CCDC68: variants seen among roughly 807,000 people sequenced by gnomAD.
The protein encoded by CCDC68 is coiled-coil domain-containing protein 68.
Under a neutral mutation model 47.1 loss-of-function variants are expected in CCDC68, and 45 were observed. The ratio of observed to expected loss-of-function variants is 0.96; its 90% CI spans 0.75 to 1.23. The LOEUF (loss-of-function observed/expected upper bound fraction) is 1.23, where lower values mean the gene tolerates loss of function less well. Among genes scored for constraint, CCDC68 ranks in the 50% most tolerant of loss-of-function variants. The probability of loss-of-function intolerance (pLI) is 0.00; values close to 1 mark genes in which losing one functional copy is unlikely to be tolerated. For missense variants in CCDC68, 353 were observed against 373.6 expected (o/e 0.94, Z 0.45); for synonymous variants, 131 against 129.5 (o/e 1.01, Z -0.08).
chr18:54,952,928 G>A (rs183646289), intron 1 of CCDC68, among the ~76,000 whole-genome samples: 187 of 152,190 alleles, frequency 1.2e-3, no homozygotes, highest in African/African-American at 4.4e-3. Context: ...CACAAGAATC[G>A]CTTGAACCTG....
At chr18:54,935,006 A>G (rs889494571) in intron 6 of CCDC68, 58 bp from the exon 7 acceptor site, 7 of 1,317,280 alleles carry the variant, frequency 5.3e-6, no homozygotes, top group African/African-American at 3.0e-5. Flanking sequence ...ACCTATACAC[A>G]TATTACCTCT....
chr18:54,904,449 GA>G, intron 11 of CCDC68, 34 bp from the exon 12 acceptor site: 1 of 1,566,280 alleles, frequency 6.4e-7, no homozygotes, highest in Non-Finnish European at 8.8e-7. Context: ...TCAAAATGGA[GA>G]ATGTTAAACT....
At chr18:54,909,025 A>G (rs932519673) in intron 10 of CCDC68, among the ~76,000 whole-genome samples, 9 of 152,174 alleles carry the variant, frequency 5.9e-5, no homozygotes, top group Admixed American at 5.2e-4. Flanking sequence ...TACCATTTTT[A>G]TAACTATAAA....
chr18:54,942,497 TC>T (rs1420557007), intron 3 of CCDC68, among the ~76,000 whole-genome samples, 177 bp downstream of exon 3: 1 of 152,166 alleles, frequency 6.6e-6, no homozygotes, highest in Non-Finnish European at 1.5e-5. Flanking sequence ...CAGTTTCGTA[TC>T]CTCAAGAGAA....
At chr18:54,915,713 G>C (rs2043935825) in intron 10 of CCDC68, among the ~76,000 whole-genome samples, 2 of 152,190 alleles carry the variant, frequency 1.3e-5, no homozygotes, top group South Asian at 4.1e-4. Context: ...CAGATCGCTT[G>C]AGGTCAGGAG....
At chr18:54,915,655 A>G (rs1195546517) in intron 10 of CCDC68, among the ~76,000 whole-genome samples, 5 of 152,200 alleles carry the variant, frequency 3.3e-5, no homozygotes, top group Non-Finnish European at 7.3e-5. Flanking sequence ...TAGGCCAGGC[A>G]TGGTGGCTCA....
Position 54,917,926 on chromosome 18 carries a change from A to T in CCDC68, c.860T>A (p.Ile287Lys). 1 of 1,571,856 alleles carries T rather than the reference A, an allele frequency of 6.4e-7. No homozygotes were observed. The highest frequency in any genetic ancestry group is 8.7e-7 in the Non-Finnish European group (1 of 1,144,696). Residue 287 changes from isoleucine (I) to lysine (K), a missense_variant, in exon 10 of 12, where the codon ATA (isoleucine) becomes AAA (lysine). Ile to Lys is a moderately radical substitution (Grantham distance 102). Coordinates refer to ENST00000591504, the MANE Select transcript of CCDC68 (RefSeq NM_025214.3). The stretch of plus-strand genomic sequence containing the variant: ...TTCCCTCCTTACCTGGGCTTCAAGT[A>T]TGTTAACCTTTTCTCTGAGATTTTC... ...RIENLREKVN[I>K]LEAQNKELKT... is the part of the protein sequence containing the mutation.
Position 54,942,756 on chromosome 18 carries a change from TGGG to T in CCDC68, c.33_35del (p.Pro12del), listed in dbSNP as rs574693747. The stretch of plus-strand genomic sequence containing the variant: ...CAGAATTATCTTCCATCTTATCCCT[TGGG>T]GGAATTTCTGTGGTCACTGTCACTG... On this transcript the variant is annotated inframe_deletion, in exon 3 of 12. Transcript: ENST00000591504. 33 of 1,612,292 alleles carry T rather than the reference TGGG, an allele frequency of 2.0e-5. No homozygotes were observed. In the East Asian group the frequency reaches 6.9e-4, roughly 34 times the overall value.
At chr18:54,924,342 C>T (rs1021257939) in intron 8 of CCDC68, among the ~76,000 whole-genome samples, 4 of 151,804 alleles carry the variant, frequency 2.6e-5, no homozygotes, top group African/African-American at 9.7e-5. Flanking sequence ...GGCAGACTGG[C>T]TCTGGAACCT....
intron 9 of CCDC68, 145 bp downstream of exon 9, chr18:54,919,126 G>C (rs1042681512): frequency 1.6e-6 from 1 of 638,110 alleles, no homozygotes; most frequent in African/African-American, 1.8e-5. Flanking sequence ...ATTGAAAACA[G>C]AGACATATTG....
At chr18:54,930,633 C>CCTTCCTT (rs1451918978) in intron 7 of CCDC68, among the ~76,000 whole-genome samples, 2 of 14,880 alleles carry the variant, frequency 1.3e-4, no homozygotes, top group South Asian at 8.3e-3. Context: ...TCCCCTCCCT[C>CCTTCCTT]CCTCCCTCCC....
chr18:54,935,604 G>T (rs911496515), intron 6 of CCDC68, among the ~76,000 whole-genome samples: 10 of 152,128 alleles, frequency 6.6e-5, no homozygotes, highest in African/African-American at 2.4e-4. Flanking sequence ...CACATTACAG[G>T]GATGCACACT....
At chr18:54,930,523 T>G (rs1378987658) in intron 7 of CCDC68, among the ~76,000 whole-genome samples, 2 of 152,086 alleles carry the variant, frequency 1.3e-5, no homozygotes, top group Admixed American at 6.5e-5. Flanking sequence ...TCTTGCCAGA[T>G]AGAAATTGTC....
At chr18:54,942,202 C>A (rs776252647) in intron 3 of CCDC68, among the ~76,000 whole-genome samples, 20 of 152,182 alleles carry the variant, frequency 1.3e-4, no homozygotes, top group Non-Finnish European at 1.5e-4. Context: ...TAAGACTTCA[C>A]ATGTTTAATG....
Position 54,907,815 on chromosome 18 carries a change from C to T in CCDC68, c.921G>A (p.Arg307=). ...TAGAGACAGCCTTAGATACCTTTGT[C>T]CTAGGAGTTTCAGATGAAAGTGCTA... The part of the protein sequence containing the change: ...TQVALSSETP[R]TKVSKAVSTS... The change falls in exon 11 of 12, where the codon AGG becomes AGA. Residue 307 remains arginine, a synonymous_variant. Coordinates refer to ENST00000591504, the MANE Select transcript of CCDC68 (RefSeq NM_025214.3). 1 of 1,608,392 alleles carries T rather than the reference C, an allele frequency of 6.2e-7. No homozygotes were observed. The highest frequency in any genetic ancestry group is 1.3e-5 in the African/African-American group (1 of 74,916).
chr18:54,930,897 T>C (rs539749331), intron 7 of CCDC68, among the ~76,000 whole-genome samples: 2 of 151,468 alleles, frequency 1.3e-5, no homozygotes, highest in South Asian at 2.1e-4. Flanking sequence ...TTTGTATTTT[T>C]AGTAGAGACG....
intron 1 of CCDC68, among the ~76,000 whole-genome samples, chr18:54,948,635 A>G (rs1485934977): frequency 6.6e-6 from 1 of 152,204 alleles, no homozygotes; most frequent in African/African-American, 2.4e-5. Context: ...GTAAATATTT[A>G]CAGAAAGCCA....
chr18:54,943,665 T>A (rs1263741048), intron 2 of CCDC68, among the ~76,000 whole-genome samples: 1 of 152,172 alleles, frequency 6.6e-6, no homozygotes, highest in East Asian at 1.9e-4. Flanking sequence ...AGCAAAATAA[T>A]CTTGAACTAT....
At chr18:54,918,026 C>T in intron 9 of CCDC68, 30 bp from the exon 10 acceptor site, 2 of 920,960 alleles carry the variant, frequency 2.2e-6, no homozygotes, top group South Asian at 3.0e-5. Context: ...ATAGGAAAAA[C>T]CTTGTCAGAC....
Sources: allele counts gnomAD v4.1 joint callset (sites outside exome capture counted in the v4.1 genomes callset), GRCh38; gene constraint gnomAD v4.1.1; transcripts MANE v1.5; gene names NCBI Gene and HGNC (gene_info 2026-07-23, HGNC 2026-07-21).